Variants in MAP2K6 observed in about 807,000 individuals in gnomAD.
MAP2K6 encodes mitogen-activated protein kinase kinase 6, also known as dual specificity mitogen-activated protein kinase kinase 6.
In MAP2K6, 16 loss-of-function variants were observed where a neutral mutation model predicts 53.7. That is an observed-to-expected ratio of 0.30 (90% CI 0.20 to 0.45). MAP2K6 has a LOEUF of 0.45. Among genes scored for constraint, MAP2K6 ranks in the 20% least tolerant of loss-of-function variants. The pLI is 1.00. For missense variants in MAP2K6, 204 were observed against 411.9 expected (o/e 0.50, Z 4.37); for synonymous variants, 132 against 143.1 (o/e 0.92, Z 0.55).
intron 1 of MAP2K6, among the ~76,000 whole-genome samples, chr17:69,484,571 A>G (rs1483229693): frequency 6.6e-6 from 1 of 152,140 alleles, no homozygotes; most frequent in African/African-American, 2.4e-5. Context: ...AATTTCACTC[A>G]TAGGTATATA....
intron 1 of MAP2K6, among the ~76,000 whole-genome samples, chr17:69,478,678 G>T (rs1598281467): frequency 6.6e-6 from 1 of 152,282 alleles, no homozygotes; most frequent in African/African-American, 2.4e-5. Context: ...ACTTGCCTCG[G>T]CCTCCCAAAG....
At position 69,549,284 on chromosome 17, in the gene MAP2K6, T is replaced by A. The variant is rs531858913; in HGVS notation, c.*7531T>A. On this transcript the variant is annotated 3_prime_UTR_variant, in exon 12 of 12. Transcript: ENST00000590474. Reference sequence around the variant, plus strand: ...TTGCATTTCTGAGATTCAGGGTCTTTTTCAAGGAAGGAGGCTAATGTTTAA... The same window carrying A: ...TTGCATTTCTGAGATTCAGGGTCTTATTCAAGGAAGGAGGCTAATGTTTAA... 63 of 152,326 alleles carry A rather than the reference T, an allele frequency of 4.1e-4. No homozygotes were observed. The highest frequency in any genetic ancestry group is 1.4e-3 in the African/African-American group (59 of 41,580). 9.4% of individuals were successfully genotyped at this position (152,326 alleles called of 1,614,324 possible). A position where few individuals can be genotyped will look rare whatever the true frequency, so the allele number is the denominator to read the frequency against.
intron 1 of MAP2K6, among the ~76,000 whole-genome samples, chr17:69,468,248 A>G (rs1567828772): frequency 6.6e-6 from 1 of 152,160 alleles, no homozygotes; most frequent in Non-Finnish European, 1.5e-5. Context: ...CACTAATCCA[A>G]TCCAGGCCCT....
rs1567863652 is a variant in MAP2K6 at position 69,542,036 on chromosome 17, A to T, written c.*283A>T. On this transcript the variant is annotated 3_prime_UTR_variant, in exon 12 of 12. Coordinates refer to ENST00000590474, the MANE Select transcript of MAP2K6 (RefSeq NM_002758.4). ...TCATATGAGTCCTCAAGCTTCTCAG[A>T]CTTCTCTTATTCTTTACAAAATGAA... The T allele has an allele frequency of 1.1e-5, 2 of 182,814 alleles. No homozygotes were observed. 11.3% of individuals were successfully genotyped at this position (182,814 alleles called of 1,614,324 possible).
chr17:69,491,644 A>G (rs982921556), intron 1 of MAP2K6, among the ~76,000 whole-genome samples: 1 of 152,092 alleles, frequency 6.6e-6, no homozygotes, highest in Non-Finnish European at 1.5e-5. Context: ...GAATAGCCAC[A>G]CTGCTTTCCA....
At chr17:69,501,417 T>C (rs1169799824) in intron 1 of MAP2K6, among the ~76,000 whole-genome samples, 3 of 152,216 alleles carry the variant, frequency 2.0e-5, no homozygotes, top group African/African-American at 7.2e-5. Flanking sequence ...GCAAGACCTC[T>C]CGTGTACCCC....
chr17:69,425,142 G>A (rs1206144477), intron 1 of MAP2K6, among the ~76,000 whole-genome samples: 1 of 151,890 alleles, frequency 6.6e-6, no homozygotes, highest in Non-Finnish European at 1.5e-5. Flanking sequence ...TTTTCTTCCT[G>A]GTTGTTTCTA....
At chr17:69,455,445 G>A (rs1430119691) in intron 1 of MAP2K6, among the ~76,000 whole-genome samples, 1 of 152,108 alleles carries the variant, frequency 6.6e-6, no homozygotes, top group Non-Finnish European at 1.5e-5. Context: ...TCGAAAGGCA[G>A]GAAGAGAGGA....
intron 1 of MAP2K6, among the ~76,000 whole-genome samples, chr17:69,467,890 C>G (rs1458545673): frequency 6.6e-6 from 1 of 152,082 alleles, no homozygotes; most frequent in Non-Finnish European, 1.5e-5. Context: ...CTCAGCCTCC[C>G]AAGTAGCTGG....
intron 1 of MAP2K6, among the ~76,000 whole-genome samples, chr17:69,453,741 CTTAG>C (rs1277935679): frequency 6.6e-6 from 1 of 152,072 alleles, no homozygotes; most frequent in Non-Finnish European, 1.5e-5. Context: ...GGGTATAGTT[CTTAG>C]TTACATTTTC....
At chr17:69,427,325 G>A (rs1311044076) in intron 1 of MAP2K6, among the ~76,000 whole-genome samples, 1 of 152,058 alleles carries the variant, frequency 6.6e-6, no homozygotes, top group Non-Finnish European at 1.5e-5. Context: ...ACTTTCTCAA[G>A]CATGATACTG....
intron 1 of MAP2K6, among the ~76,000 whole-genome samples, chr17:69,492,386 G>A (rs1908784968): frequency 6.6e-6 from 1 of 152,078 alleles, no homozygotes; most frequent in African/African-American, 2.4e-5. Context: ...TAGTTATTCC[G>A]GCACCTTTTA....
At chr17:69,425,603 A>C (rs1430415245) in intron 1 of MAP2K6, among the ~76,000 whole-genome samples, 1 of 152,118 alleles carries the variant, frequency 6.6e-6, no homozygotes, top group Non-Finnish European at 1.5e-5. Flanking sequence ...GAGCCACCGC[A>C]CCCGGCCTAA....
chr17:69,429,189 G>C (rs1354021373), intron 1 of MAP2K6, among the ~76,000 whole-genome samples: 2 of 151,580 alleles, frequency 1.3e-5, no homozygotes, highest in African/African-American at 4.9e-5. Context: ...GTAAACCCCA[G>C]TCAGGCTGGA....
chr17:69,454,428 A>G (rs1252507429), intron 1 of MAP2K6, among the ~76,000 whole-genome samples: 1 of 152,212 alleles, frequency 6.6e-6, no homozygotes, highest in Non-Finnish European at 1.5e-5. Flanking sequence ...TCTGTTGCCC[A>G]GGCTGGAGTG....
At position 69,494,154 on chromosome 17, in the gene MAP2K6, CAA is replaced by C. The variant is rs1264641130; in HGVS notation, c.17-11623_17-11622del. On this transcript the variant is annotated intron_variant, in intron 1 of 11. Transcript: ENST00000590474. The surrounding 1 kb of genome is among the most constrained non-coding windows in gnomAD (Gnocchi z 4.2). The stretch of plus-strand genomic sequence containing the variant: ...GGACACATGGCCTGCATTTCTTCAA[CAA>C]AATAATTGCATGAAGTTGCAGGAGG... 3.9e-5 allele frequency among the ~76,000 whole-genome samples: 6 copies of C among 152,100 alleles called. No homozygotes were observed. The highest frequency in any genetic ancestry group is 1.4e-4 in the African/African-American group (6 of 41,418).
chr17:69,518,073 G>T lies in MAP2K6; in HGVS notation c.246+460G>T, dbSNP rs531155147. Among the ~76,000 whole-genome samples the T allele has an allele frequency of 9.9e-5, 15 of 152,142 alleles. No homozygotes were observed. In the South Asian group the frequency reaches 2.3e-3, roughly 23 times the overall value. ...GGCATGGTGGCACACACCTGTAGTC[G>T]CAGCTACTTGGGAGGTTGAGGCAGG... On this transcript the variant is annotated intron_variant, in intron 4 of 11. Coordinates refer to ENST00000590474, the MANE Select transcript of MAP2K6 (RefSeq NM_002758.4).
At chr17:69,430,796 G>A (rs539314944) in intron 1 of MAP2K6, among the ~76,000 whole-genome samples, 26 of 152,300 alleles carry the variant, frequency 1.7e-4, no homozygotes, top group African/African-American at 5.1e-4. Flanking sequence ...GAGGGAGCAC[G>A]CAGTCTAATG....
chr17:69,510,654 T>G (rs1909763370), intron 2 of MAP2K6, among the ~76,000 whole-genome samples: 1 of 152,188 alleles, frequency 6.6e-6, no homozygotes, highest in South Asian at 2.1e-4. Flanking sequence ...CTATTCAGAT[T>G]ATCTGTTTCA....
Sources: allele counts gnomAD v4.1 joint callset (sites outside exome capture counted in the v4.1 genomes callset), GRCh38; gene constraint gnomAD v4.1.1; non-coding constraint Gnocchi (gnomAD v3.1); transcripts MANE v1.5; gene names NCBI Gene and HGNC (gene_info 2026-07-23, HGNC 2026-07-21).